C1orf21: variants seen among roughly 807,000 people sequenced by gnomAD.
The protein encoded by C1orf21 is uncharacterized protein C1orf21.
Under a neutral mutation model 18.7 loss-of-function variants are expected in C1orf21, and 3 were observed. The observed-to-expected ratio is 0.16, with a 90% confidence interval of 0.07 to 0.42. The LOEUF (loss-of-function observed/expected upper bound fraction) is 0.42, where lower values mean the gene tolerates loss of function less well. Ranked by LOEUF, C1orf21 falls within the 10% of genes least tolerant of loss-of-function variation. The pLI, the probability that C1orf21 is intolerant of heterozygous loss-of-function variation, is 0.99. For synonymous variants in C1orf21, 41 were observed against 46.4 expected (o/e 0.88, Z 0.47); for missense variants, 104 against 143.6 (o/e 0.72, Z 1.41).
At chr1:184,462,992 G>A (rs1216380661) in intron 1 of C1orf21, among the ~76,000 whole-genome samples, 1 of 146,796 alleles carries the variant, frequency 6.8e-6, no homozygotes, top group Non-Finnish European at 1.5e-5. Context: ...TGAGGCAGGA[G>A]AATCACTTGA....
chr1:184,609,937 G>C (rs1659702862), intron 5 of C1orf21, among the ~76,000 whole-genome samples: 2 of 152,222 alleles, frequency 1.3e-5, no homozygotes, highest in African/African-American at 4.8e-5. Flanking sequence ...ATGTTTTCAT[G>C]TTTGTAAAAT....
intron 3 of C1orf21, among the ~76,000 whole-genome samples, chr1:184,583,200 G>T (rs917261441): frequency 1.3e-5 from 2 of 152,170 alleles, no homozygotes; most frequent in African/African-American, 4.8e-5. Flanking sequence ...ATATCAAAGG[G>T]AATAAGGGAT....
At chr1:184,536,192 A>T (rs1200650886) in intron 3 of C1orf21, among the ~76,000 whole-genome samples, 1 of 152,214 alleles carries the variant, frequency 6.6e-6, no homozygotes, top group East Asian at 1.9e-4. Flanking sequence ...TTTTAAAGTG[A>T]GATTTGACCC....
chr1:184,530,699 A>G (rs1055551523), intron 3 of C1orf21, among the ~76,000 whole-genome samples: 4 of 148,688 alleles, frequency 2.7e-5, no homozygotes, highest in Non-Finnish European at 5.9e-5. Flanking sequence ...CAAGCCCAAC[A>G]CTTATGACTT....
intron 5 of C1orf21, among the ~76,000 whole-genome samples, chr1:184,605,765 T>C (rs913077254): frequency 3.9e-5 from 6 of 152,312 alleles, no homozygotes; most frequent in African/African-American, 1.4e-4. Flanking sequence ...TAATACTAAC[T>C]GGTCTGGGAT....
chr1:184,534,330 A>G (rs1449628920), intron 3 of C1orf21, among the ~76,000 whole-genome samples: 2 of 152,194 alleles, frequency 1.3e-5, no homozygotes, highest in African/African-American at 4.8e-5. Context: ...TTACTTTGGA[A>G]TGAGGTGGAA....
chr1:184,524,516 G>T (rs1557993859), intron 3 of C1orf21, among the ~76,000 whole-genome samples: 1 of 152,012 alleles, frequency 6.6e-6, no homozygotes, highest in Non-Finnish European at 1.5e-5. Flanking sequence ...TCATGACATT[G>T]GCTGGAATTG....
chr1:184,577,822 T>A (rs1239279437), intron 3 of C1orf21, among the ~76,000 whole-genome samples: 2 of 152,226 alleles, frequency 1.3e-5, no homozygotes, highest in African/African-American at 4.8e-5. Flanking sequence ...TGTTATAATA[T>A]TTTGTTAACT....
chr1:184,522,122 ATTAGAG>A (rs1045470086), intron 3 of C1orf21, among the ~76,000 whole-genome samples: 1 of 152,202 alleles, frequency 6.6e-6, no homozygotes, highest in Non-Finnish European at 1.5e-5. Flanking sequence ...GTGGCAATAG[ATTAGAG>A]TTAGAGATGT....
At chr1:184,426,962 C>T (rs1405923187) in intron 1 of C1orf21, among the ~76,000 whole-genome samples, 5 of 152,174 alleles carry the variant, frequency 3.3e-5, no homozygotes. Flanking sequence ...GGTAAAGGAA[C>T]CACAGGAAGA....
chr1:184,502,261 T>C (rs1657987165), intron 2 of C1orf21, among the ~76,000 whole-genome samples: 1 of 152,184 alleles, frequency 6.6e-6, no homozygotes, highest in African/African-American at 2.4e-5. Context: ...GCTTGTGCCT[T>C]CACATGGCAG....
At chr1:184,594,331 C>T (rs576312851) in intron 4 of C1orf21, among the ~76,000 whole-genome samples, 15 of 152,184 alleles carry the variant, frequency 9.9e-5, no homozygotes, top group Non-Finnish European at 2.2e-4. Context: ...GAACTTTACC[C>T]CAACCCTCTC....
chr1:184,592,626 C>A (rs1659455230), intron 4 of C1orf21, among the ~76,000 whole-genome samples: 1 of 152,136 alleles, frequency 6.6e-6, no homozygotes, highest in African/African-American at 2.4e-5. Flanking sequence ...GACACAGGCA[C>A]CCCAACCCAA....
At chr1:184,511,781 A>C (rs536751510) in intron 3 of C1orf21, among the ~76,000 whole-genome samples, 2 of 151,720 alleles carry the variant, frequency 1.3e-5, no homozygotes, top group Admixed American at 1.3e-4. Context: ...AGGGAAAACA[A>C]ACCCGTTCTT....
In C1orf21 at chr1:184,567,275, G is replaced by A. The variant is rs1225521719; in HGVS notation, c.190-23464G>A. 9 of 459,928 alleles carry A rather than the reference G, an allele frequency of 2.0e-5. No homozygotes were observed. In the East Asian group the frequency reaches 3.3e-4, roughly 17 times the overall value. The allele number at this position is 459,928 out of a possible 1,614,324, so 28.5% of individuals were successfully genotyped here. On this transcript the variant is annotated intron_variant, in intron 3 of 5. Coordinates refer to ENST00000235307, the MANE Select transcript of C1orf21 (RefSeq NM_030806.4). ...CCATGTTCAGAAGGAGACTGTAAAG[G>A]AATTTTTCATTAAAGGTCCTGGAGC...
chr1:184,616,176 T>A (rs1009346490), intron 5 of C1orf21, among the ~76,000 whole-genome samples: 1 of 152,232 alleles, frequency 6.6e-6, no homozygotes, highest in African/African-American at 2.4e-5. Flanking sequence ...TATCTTACTT[T>A]CAATGTGTTT....
At chr1:184,420,224 T>A (rs75062350) in intron 1 of C1orf21, among the ~76,000 whole-genome samples, 1 of 145,190 alleles carries the variant, frequency 6.9e-6, no homozygotes. Context: ...GCTGGTCTCA[T>A]TTTTTTTTAA....
At chr1:184,449,377 A>G (rs1657085760) in intron 1 of C1orf21, among the ~76,000 whole-genome samples, 1 of 152,104 alleles carries the variant, frequency 6.6e-6, no homozygotes, top group South Asian at 2.1e-4. Context: ...AAGGACATGA[A>G]CTCATCATTT....
At chr1:184,600,971 G>A (rs747142159) in intron 5 of C1orf21, among the ~76,000 whole-genome samples, 25 of 152,188 alleles carry the variant, frequency 1.6e-4, no homozygotes, top group Non-Finnish European at 1.9e-4. Context: ...AAAATTGAAA[G>A]CTGGATTCTT....
Sources: gnomAD v4.1 joint callset for allele counts (sites outside exome capture counted in the v4.1 genomes callset) on GRCh38, gnomAD v4.1.1 for gene constraint, MANE v1.5 for transcripts, NCBI Gene and HGNC (gene_info 2026-07-23, HGNC 2026-07-21) for gene names.